The following TBC1D22A variants were observed in gnomAD, a reference collection of about 807,000 sequenced individuals.
TBC1D22A encodes TBC1 domain family member 22A.
In TBC1D22A, 38 loss-of-function variants were observed where a neutral mutation model predicts 60.2. That is an observed-to-expected ratio of 0.63 (90% CI 0.49 to 0.83). The LOEUF (loss-of-function observed/expected upper bound fraction) is 0.83, where lower values mean the gene tolerates loss of function less well. Among genes scored for constraint, TBC1D22A ranks in the 40% least tolerant of loss-of-function variants. TBC1D22A has a pLI of 0.00. For synonymous variants in TBC1D22A, 302 were observed against 281.7 expected, an observed-to-expected ratio of 1.07 and a Z score of -0.72; for missense variants, 628 against 701.0, an observed-to-expected ratio of 0.90 and a Z score of 1.18.
intron 7 of TBC1D22A, among the ~76,000 whole-genome samples, chr22:46,906,599 G>GAATAGGAAGGCTTGGA (rs1161984115): frequency 6.6e-6 from 1 of 152,186 alleles, no homozygotes; most frequent in Non-Finnish European, 1.5e-5. Context: ...CAGATCCTTG[G>GAATAGGAAGGCTTGGA]AATAGGAAGG....
intron 8 of TBC1D22A, among the ~76,000 whole-genome samples, chr22:46,949,559 G>A (rs1028764876): frequency 2.0e-5 from 3 of 152,188 alleles, no homozygotes; most frequent in African/African-American, 7.2e-5. Flanking sequence ...TACTCGTTTG[G>A]TGATAGAGCA....
At chr22:47,018,884 G>A (rs1342791650) in intron 10 of TBC1D22A, among the ~76,000 whole-genome samples, 1 of 146,330 alleles carries the variant, frequency 6.8e-6, no homozygotes, top group Non-Finnish European at 1.5e-5. Flanking sequence ...TCAGTATGTG[G>A]CATACTTAAG....
intron 11 of TBC1D22A, among the ~76,000 whole-genome samples, chr22:47,101,007 T>C (rs2065393819): frequency 6.6e-6 from 1 of 152,152 alleles, no homozygotes; most frequent in Non-Finnish European, 1.5e-5. Context: ...CATTGCAAAG[T>C]GTGGAAACGT....
chr22:46,895,192 C>T (rs535646867), intron 7 of TBC1D22A, among the ~76,000 whole-genome samples: 34 of 152,176 alleles, frequency 2.2e-4, no homozygotes, highest in Non-Finnish European at 4.0e-4. Flanking sequence ...GCACCAAGGC[C>T]GCTTGTGTAT....
chr22:47,054,409 G>A (rs940497950), intron 11 of TBC1D22A, among the ~76,000 whole-genome samples: 1 of 152,108 alleles, frequency 6.6e-6, no homozygotes, highest in East Asian at 1.9e-4. Context: ...TTGCCTGGCC[G>A]TTCCTCCCCA....
chr22:47,024,059 C>T lies in TBC1D22A; in HGVS notation c.1202-13012C>T, dbSNP rs114395397. On this transcript the variant is annotated intron_variant, in intron 10 of 12. Coordinates refer to ENST00000337137, the MANE Select transcript of TBC1D22A (RefSeq NM_014346.5). ...CGCGGTGCGATGAAGATGACAGGAG[C>T]GTAGGCGTCGGCAGGGAGAGATGGA... Among the ~76,000 whole-genome samples the T allele has an allele frequency of 6.0e-3, 908 of 152,278 alleles. 9 individuals carry two copies. Among genetic ancestry groups the T allele is most frequent in the African/African-American group, 0.02 (841 of 41,562 alleles).
chr22:47,038,620 C>A (rs1241639672), intron 11 of TBC1D22A, among the ~76,000 whole-genome samples: 1 of 152,180 alleles, frequency 6.6e-6, no homozygotes, highest in Non-Finnish European at 1.5e-5. Flanking sequence ...AACAGTGCCC[C>A]AAAGCTTTGT....
intron 4 of TBC1D22A, among the ~76,000 whole-genome samples, chr22:46,806,851 G>A (rs113790303): frequency 6.6e-5 from 10 of 152,262 alleles, no homozygotes; most frequent in South Asian, 2.1e-4. Flanking sequence ...GCTGATCTTC[G>A]GCCAGTCAGA....
intron 5 of TBC1D22A, 132 bp from the exon 6 acceptor site, chr22:46,891,134 G>T: frequency 1.0e-6 from 1 of 997,286 alleles, no homozygotes. Context: ...CCCACAATTT[G>T]TGCTCCTCTC....
At chr22:47,110,233 ACTTCGGGAGG>A (rs2065797326) in intron 11 of TBC1D22A, among the ~76,000 whole-genome samples, 2 of 152,062 alleles carry the variant, frequency 1.3e-5, no homozygotes, top group African/African-American at 4.8e-5. Flanking sequence ...TAATCCCAGC[ACTTCGGGAGG>A]CTGAGGCGAG....
chr22:46,775,596 G>A (rs900588890), intron 1 of TBC1D22A, among the ~76,000 whole-genome samples: 1 of 152,166 alleles, frequency 6.6e-6, no homozygotes, highest in Admixed American at 6.5e-5. Context: ...CTGGTAGAGG[G>A]TTGTTGGCTG....
Position 46,987,557 on chromosome 22 carries a change from C to T in TBC1D22A, c.1126-10077C>T, listed in dbSNP as rs1334702402. Among the ~76,000 whole-genome samples the T allele has an allele frequency of 2.0e-5, 3 of 152,220 alleles. No homozygotes were observed. The East Asian group carries it at 5.8e-4, about 29-fold the overall frequency. ...ACTAGCCACACAAGTTTTTTGCTTT[C>T]TCAATGCATATAAAAGTTATATTAT... is the stretch of plus-strand genomic sequence containing the variant. On this transcript the variant is annotated intron_variant, in intron 9 of 12. Transcript: ENST00000337137.
intron 10 of TBC1D22A, among the ~76,000 whole-genome samples, chr22:47,012,302 G>T (rs2061773820): frequency 6.6e-6 from 1 of 152,150 alleles, no homozygotes; most frequent in Non-Finnish European, 1.5e-5. Context: ...TGAGTCAGAG[G>T]GTCCTGGGGC....
At chr22:47,129,490 A>C (rs1362860372) in intron 12 of TBC1D22A, among the ~76,000 whole-genome samples, 2 of 152,230 alleles carry the variant, frequency 1.3e-5, no homozygotes, top group South Asian at 2.1e-4. Flanking sequence ...AACAAACAAA[A>C]AAACAAAAAA....
intron 1 of TBC1D22A, among the ~76,000 whole-genome samples, chr22:46,788,285 G>C (rs2146857329): frequency 6.6e-6 from 1 of 152,270 alleles, no homozygotes; most frequent in South Asian, 2.1e-4. Context: ...TCCACCTTTT[G>C]AATGGGAAGA....
chr22:46,815,991 G>C lies in TBC1D22A; in HGVS notation c.637+18371G>C, dbSNP rs536815746. 3.3e-5 allele frequency among the ~76,000 whole-genome samples: 5 copies of C among 152,298 alleles called. No individual in the cohort carries two copies. In the South Asian group the frequency reaches 8.3e-4, roughly 25 times the overall value. ...CTGCAGCCTTGGGGAGGGCTCTGGG[G>C]AACGAGAAGCAGATTGGATTTTACC... On this transcript the variant is annotated intron_variant, in intron 4 of 12. Transcript: ENST00000337137.
chr22:47,138,531 G>A (rs1215310611), intron 12 of TBC1D22A, among the ~76,000 whole-genome samples: 3 of 152,226 alleles, frequency 2.0e-5, no homozygotes, highest in African/African-American at 7.2e-5. Context: ...CCTCCCTAGT[G>A]AACCTTGCCT....
At chr22:47,097,934 G>A (rs1364707089) in intron 11 of TBC1D22A, among the ~76,000 whole-genome samples, 2 of 152,150 alleles carry the variant, frequency 1.3e-5, no homozygotes, top group Admixed American at 6.5e-5. Context: ...CTGGAAGTAG[G>A]AGGGGCTCTG....
intron 4 of TBC1D22A, among the ~76,000 whole-genome samples, chr22:46,802,511 C>G (rs890069283): frequency 6.6e-6 from 1 of 152,196 alleles, no homozygotes; most frequent in African/African-American, 2.4e-5. Context: ...TTCTGAGGCT[C>G]TGGCCTGGTG....
Sources: gnomAD v4.1 joint callset for allele counts (sites outside exome capture counted in the v4.1 genomes callset) on GRCh38, gnomAD v4.1.1 for gene constraint, MANE v1.5 for transcripts, NCBI Gene and HGNC (gene_info 2026-07-23, HGNC 2026-07-21) for gene names.